OOSP4A: variants seen among roughly 807,000 people sequenced by gnomAD.
OOSP4A encodes oocyte secreted protein family member 4A, also known as oocyte-secreted protein 4A.
rs1277142569 is a variant in OOSP4A at position 59,964,657 on chromosome 11, C to A, written c.67+558C>A. 2.0e-5 allele frequency among the ~76,000 whole-genome samples: 3 copies of A among 151,988 alleles called. No homozygotes were observed. The South Asian group carries it at 6.2e-4, about 32-fold the overall frequency. On this transcript the variant is annotated intron_variant, in intron 1 of 4. Transcript: ENST00000645590. ...AAATATGGGATAATAATAAAATTGA[C>A]CATAGAAATGTACTGAAAATGAAGT...
chr11:59,968,002 T>C (rs1464158276), intron 3 of OOSP4A, among the ~76,000 whole-genome samples: 1 of 152,230 alleles, frequency 6.6e-6, no homozygotes, highest in Non-Finnish European at 1.5e-5. Context: ...TCTTTGGTCC[T>C]TCTCATAAGT....
At position 59,967,061 on chromosome 11, in the gene OOSP4A, C is replaced by T. The variant is rs1854108677; in HGVS notation, c.247-6C>T. ...TTAAGATAATTTATATCCTTTACAC[C>T]TTTAGGAACATGGAGTAGGTATTCT... On this transcript the variant is annotated splice_polypyrimidine_tract_variant and splice_region_variant and intron_variant, in intron 2 of 4. Transcript: ENST00000645590. The T allele has an allele frequency of 2.5e-6, 1 of 397,758 alleles. No homozygotes were observed. The highest frequency in any genetic ancestry group is 2.1e-5 in the African/African-American group (1 of 48,538). 24.6% of individuals were successfully genotyped at this position (397,758 alleles called of 1,614,324 possible). A position where few individuals can be genotyped will look rare whatever the true frequency, so the allele number is the denominator to read the frequency against.
At chr11:59,970,189 G>T, downstream of OOSP4A, 1 of 397,218 alleles carries the variant, frequency 2.5e-6, no homozygotes, top group Non-Finnish European at 4.4e-6. Flanking sequence ...TTAGAAGTTG[G>T]ACTAGTCACT....
intron 1 of OOSP4A, among the ~76,000 whole-genome samples, chr11:59,964,731 G>A (rs899643154): frequency 2.6e-5 from 4 of 151,966 alleles, no homozygotes; most frequent in Non-Finnish European, 5.9e-5. Flanking sequence ...AATTATCATC[G>A]GAGTAACTGC....
chr11:59,968,772 T>A (rs2074996444), intron 3 of OOSP4A, among the ~76,000 whole-genome samples: 1 of 152,212 alleles, frequency 6.6e-6, no homozygotes, highest in South Asian at 2.1e-4. Flanking sequence ...ACCCCACTTA[T>A]CCCTCTGTCA....
At chr11:59,968,401 A>G (rs1854123528) in intron 3 of OOSP4A, among the ~76,000 whole-genome samples, 1 of 152,208 alleles carries the variant, frequency 6.6e-6, no homozygotes, top group South Asian at 2.1e-4. Flanking sequence ...TCGTCCATAC[A>G]ACTGCCACTG....
chr11:59,969,104 A>G, intron 3 of OOSP4A, 46 bp from the exon 4 acceptor site: 1 of 397,912 alleles, frequency 2.5e-6, no homozygotes, highest in Non-Finnish European at 4.4e-6. Context: ...CACCTCCAAA[A>G]GCATAATATA....
At chr11:59,970,165 G>C, downstream of OOSP4A, 1 of 397,698 alleles carries the variant, frequency 2.5e-6, no homozygotes, top group Non-Finnish European at 4.4e-6. Context: ...GCTGCTTGAG[G>C]ATTTCATTGC....
intron 3 of OOSP4A, among the ~76,000 whole-genome samples, chr11:59,967,887 G>A (rs1428136111): frequency 6.6e-6 from 1 of 152,012 alleles, no homozygotes; most frequent in Non-Finnish European, 1.5e-5. Context: ...TTTGAAGGTT[G>A]TCTCTGTGTC....
At chr11:59,966,334 A>T (rs1411267206) in intron 2 of OOSP4A, among the ~76,000 whole-genome samples, 1 of 151,698 alleles carries the variant, frequency 6.6e-6, no homozygotes, top group Admixed American at 6.6e-5. Flanking sequence ...CTGTATCTCT[A>T]GTCTCAAAAA....
chr11:59,967,970 C>A (rs1357876930), intron 3 of OOSP4A, among the ~76,000 whole-genome samples: 1 of 152,122 alleles, frequency 6.6e-6, no homozygotes. Flanking sequence ...GTGATATCTA[C>A]TTTTCTTATT....
At position 59,965,626 on chromosome 11, in the gene OOSP4A, T is replaced by C. The variant is rs1401405631; in HGVS notation, c.159T>C (p.Ser53=). 6 of 398,466 alleles carry C rather than the reference T, an allele frequency of 1.5e-5. No individual in the cohort carries two copies. In the Admixed American group the frequency reaches 2.2e-4, roughly 15 times the overall value. 24.7% of individuals were successfully genotyped at this position (398,466 alleles called of 1,614,324 possible). A position where few individuals can be genotyped will look rare whatever the true frequency, so the allele number is the denominator to read the frequency against. ...TGCAACCTTTGCAAAACGAACTCTCTCTAGGAATTGGCTGTCCTGTAAACA... is the reference window on the plus strand; with the variant it reads ...TGCAACCTTTGCAAAACGAACTCTCCCTAGGAATTGGCTGTCCTGTAAACA... Residue 53 remains serine (S), a synonymous_variant, in exon 2 of 5, where the codon TCT becomes TCC. Transcript: ENST00000645590.
downstream of OOSP4A, chr11:59,970,269 A>G: frequency 2.6e-6 from 1 of 389,656 alleles, no homozygotes; most frequent in Non-Finnish European, 4.5e-6. Flanking sequence ...GTCCATATTT[A>G]TGAACCGTTG....
At chr11:59,964,296 C>T (rs1854074155) in intron 1 of OOSP4A, among the ~76,000 whole-genome samples, 197 bp downstream of exon 1, 3 of 151,926 alleles carry the variant, frequency 2.0e-5, no homozygotes, top group Admixed American at 1.3e-4. Context: ...TGAATTTTTC[C>T]TCTAAGCTGA....
chr11:59,968,773 C>T (rs1347921989), intron 3 of OOSP4A, among the ~76,000 whole-genome samples: 1 of 152,170 alleles, frequency 6.6e-6, no homozygotes, highest in Non-Finnish European at 1.5e-5. Flanking sequence ...CCCCACTTAT[C>T]CCTCTGTCAT....
chr11:59,969,898 A>C (rs1472967499), intron 4 of OOSP4A, among the ~76,000 whole-genome samples, 151 bp from the exon 5 acceptor site: 1 of 152,184 alleles, frequency 6.6e-6, no homozygotes, highest in Non-Finnish European at 1.5e-5. Context: ...CGTATTTGTG[A>C]TACTTGAATC....
chr11:59,967,965 A>G (rs1395263979), intron 3 of OOSP4A, among the ~76,000 whole-genome samples: 1 of 152,152 alleles, frequency 6.6e-6, no homozygotes, highest in African/African-American at 2.4e-5. Flanking sequence ...ACTTGGTGAT[A>G]TCTACTTTTC....
At chr11:59,969,569 A>G (rs1854135305) in intron 4 of OOSP4A, among the ~76,000 whole-genome samples, 1 of 152,246 alleles carries the variant, frequency 6.6e-6, no homozygotes. Flanking sequence ...GGTGCATATA[A>G]GTATGGAATG....
intron 2 of OOSP4A, among the ~76,000 whole-genome samples, chr11:59,966,469 T>C (rs1240056903): frequency 6.6e-6 from 1 of 151,856 alleles, no homozygotes; most frequent in Non-Finnish European, 1.5e-5. Context: ...AATCAGACTC[T>C]GACTCTTTTT....
Sources: gnomAD v4.1 joint callset for allele counts (sites outside exome capture counted in the v4.1 genomes callset) on GRCh38, gnomAD v4.1.1 for gene constraint, MANE v1.5 for transcripts, NCBI Gene and HGNC (gene_info 2026-07-23, HGNC 2026-07-21) for gene names.